The following ADAMTSL1 variants were observed in gnomAD, a reference collection of about 807,000 sequenced individuals.
ADAMTSL1 encodes the protein ADAMTS like 1.
ADAMTSL1 carries 126 observed loss-of-function variants against 201.8 expected under a neutral mutation model. That is an observed-to-expected ratio of 0.62 (90% CI 0.54 to 0.72). The LOEUF is 0.72. Among genes scored for constraint, ADAMTSL1 ranks in the 30% least tolerant of loss-of-function variants. ADAMTSL1 has a pLI of 0.00. For synonymous variants in ADAMTSL1, 1,121 were observed against 903.4 expected, an observed-to-expected ratio of 1.24 and a Z score of -4.32; for missense variants, 2,679 against 2,277.8, an observed-to-expected ratio of 1.18 and a Z score of -3.59.
intron 2 of ADAMTSL1, among the ~76,000 whole-genome samples, chr9:18,286,563 C>CACATTTCTTTTT (rs1215496700): frequency 2.7e-4 from 15 of 54,846 alleles, no homozygotes; most frequent in Admixed American, 4.1e-4. Flanking sequence ...GTTTCTATAG[C>CACATTTCTTTTT]AGTTTATGGT....
chr9:18,631,407 T>C (rs1826763965), intron 5 of ADAMTSL1, among the ~76,000 whole-genome samples: 1 of 152,230 alleles, frequency 6.6e-6, no homozygotes, highest in African/African-American at 2.4e-5. Flanking sequence ...GTCACGAAGA[T>C]GTAAAACATA....
At chr9:18,298,109 C>T (rs143174480) in intron 2 of ADAMTSL1, among the ~76,000 whole-genome samples, 7 of 152,084 alleles carry the variant, frequency 4.6e-5, no homozygotes, top group African/African-American at 7.2e-5. Flanking sequence ...TGAGCTAGGA[C>T]GTATTCCCGG....
intron 2 of ADAMTSL1, among the ~76,000 whole-genome samples, chr9:18,375,138 A>C (rs1428901662): frequency 3.3e-5 from 5 of 152,232 alleles, no homozygotes; most frequent in African/African-American, 1.2e-4. Flanking sequence ...CTCACTCCTG[A>C]CCAGAGCTGA....
chr9:18,736,355 T>C (rs2133516804), intron 15 of ADAMTSL1, among the ~76,000 whole-genome samples: 1 of 152,302 alleles, frequency 6.6e-6, no homozygotes, highest in South Asian at 2.1e-4. Flanking sequence ...CTTTTTTCTG[T>C]GTTACCTGCT....
intron 1 of ADAMTSL1, among the ~76,000 whole-genome samples, chr9:18,036,493 G>A (rs781371533): frequency 1.3e-5 from 2 of 152,140 alleles, no homozygotes; most frequent in Non-Finnish European, 2.9e-5. Flanking sequence ...TTTATTTTTA[G>A]CATTTGTGGC....
At chr9:18,471,488 T>C (rs2131747580), upstream of ADAMTSL1, among the ~76,000 whole-genome samples, 1 of 152,324 alleles carries the variant, frequency 6.6e-6, no homozygotes, top group Middle Eastern at 3.4e-3. Flanking sequence ...AATCACTTTG[T>C]AAACCATAAA....
In ADAMTSL1 at chr9:17,969,945, A is replaced by T. The variant is rs1051075409; in HGVS notation, c.87+63023A>T. Reference sequence around the variant, plus strand: ...TTTTTAAATATAGAATCATAAAAACAAAAACCATAAAATAAAAGTTGAGGA... The same window carrying T: ...TTTTTAAATATAGAATCATAAAAACTAAAACCATAAAATAAAAGTTGAGGA... On this transcript the variant is annotated intron_variant, in intron 1 of 29. Coordinates refer to the ADAMTSL1 transcript ENST00000680146. 5.3e-5 allele frequency among the ~76,000 whole-genome samples: 8 copies of T among 152,242 alleles called. No individual in the cohort carries two copies. In the East Asian group the frequency reaches 1.5e-3, roughly 29 times the overall value.
At position 18,865,254 on chromosome 9, in the gene ADAMTSL1, T is replaced by C. The variant is rs528733121; in HGVS notation, c.4250-22577T>C. 2.2e-4 allele frequency among the ~76,000 whole-genome samples: 33 copies of C among 151,806 alleles called. No homozygotes were observed. In the South Asian group the frequency reaches 6.7e-3, roughly 31 times the overall value. ...CCCTTCCTGTGTCCAAGTGTTCTCA[T>C]TGTTCAATTCCCACCTATGAGTGAA... On this transcript the variant is annotated intron_variant, in intron 23 of 28. Coordinates refer to ENST00000380548, the MANE Select transcript of ADAMTSL1 (RefSeq NM_001040272.6).
chr9:18,560,234 A>G (rs1443081407), intron 3 of ADAMTSL1, among the ~76,000 whole-genome samples: 1 of 152,114 alleles, frequency 6.6e-6, no homozygotes, highest in Non-Finnish European at 1.5e-5. Context: ...GTTGAATTTT[A>G]TTGAAGGCCT....
intron 23 of ADAMTSL1, among the ~76,000 whole-genome samples, chr9:18,847,654 A>C (rs1434067101): frequency 7.5e-6 from 1 of 133,614 alleles, no homozygotes; most frequent in East Asian, 2.1e-4. Context: ...ACATGTCTGG[A>C]GAGAGAAGAG....
chr9:18,223,415 T>C (rs925182350), intron 2 of ADAMTSL1, among the ~76,000 whole-genome samples: 5 of 152,146 alleles, frequency 3.3e-5, no homozygotes, highest in African/African-American at 9.7e-5. Context: ...ACTACAAATA[T>C]GTAAGTTAGA....
chr9:18,237,086 A>G (rs973521552), intron 2 of ADAMTSL1, among the ~76,000 whole-genome samples: 7 of 152,234 alleles, frequency 4.6e-5, no homozygotes, highest in Non-Finnish European at 7.3e-5. Flanking sequence ...GTGAAAATAG[A>G]TCCAGACAAT....
intron 1 of ADAMTSL1, among the ~76,000 whole-genome samples, chr9:18,154,984 G>T (rs1158648966): frequency 6.6e-6 from 1 of 151,992 alleles, no homozygotes; most frequent in Admixed American, 6.6e-5. Flanking sequence ...TATGGTGAGG[G>T]TTGCTGGTGG....
chr9:18,860,842 C>G (rs1827169431), intron 23 of ADAMTSL1, among the ~76,000 whole-genome samples: 1 of 152,146 alleles, frequency 6.6e-6, no homozygotes, highest in African/African-American at 2.4e-5. Context: ...AATACAGGTG[C>G]CCAGTAATGT....
chr9:18,693,091 C>G (rs1175578074), intron 13 of ADAMTSL1, among the ~76,000 whole-genome samples: 1 of 152,046 alleles, frequency 6.6e-6, no homozygotes, highest in Admixed American at 6.6e-5. Context: ...ACAAAAAAGA[C>G]AAAAGCTCTC....
chr9:18,304,824 GT>G (rs1248345439), intron 2 of ADAMTSL1, among the ~76,000 whole-genome samples: 1 of 152,112 alleles, frequency 6.6e-6, no homozygotes, highest in Non-Finnish European at 1.5e-5. Flanking sequence ...AATTAGGAAA[GT>G]TTTTACTATA....
In ADAMTSL1 at chr9:17,942,307, C is replaced by T. The variant is rs367839071; in HGVS notation, c.87+35385C>T. Among the ~76,000 whole-genome samples the T allele has an allele frequency of 1.1e-4, 16 of 152,180 alleles. No individual in the cohort carries two copies. In the East Asian group the frequency reaches 1.5e-3, roughly 15 times the overall value. ...AACAAATATTACCTTGTATTACCTA[C>T]GTATAAAATATACCTCATGAAAGTA... is the stretch of plus-strand genomic sequence containing the variant. On this transcript the variant is annotated intron_variant, in intron 1 of 29. Coordinates refer to the ADAMTSL1 transcript ENST00000680146.
intron 2 of ADAMTSL1, among the ~76,000 whole-genome samples, chr9:18,439,253 C>A (rs947479735): frequency 6.6e-6 from 1 of 152,176 alleles, no homozygotes; most frequent in Non-Finnish European, 1.5e-5. Flanking sequence ...TCCAGTAAGG[C>A]ATTAAAGAAC....
intron 4 of ADAMTSL1, among the ~76,000 whole-genome samples, chr9:18,593,300 A>T (rs1430147921): frequency 6.6e-6 from 1 of 152,128 alleles, no homozygotes; most frequent in Non-Finnish European, 1.5e-5. Context: ...TTCATATATT[A>T]AAGGAAAGCT....
Sources: allele counts gnomAD v4.1 joint callset (sites outside exome capture counted in the v4.1 genomes callset), GRCh38; gene constraint gnomAD v4.1.1; transcripts MANE v1.5; gene names NCBI Gene and HGNC (gene_info 2026-07-23, HGNC 2026-07-21).